Variants in LRRC4C observed in about 807,000 individuals in gnomAD.
The protein encoded by LRRC4C is leucine-rich repeat-containing protein 4C.
In LRRC4C, 5 loss-of-function variants were observed where a neutral mutation model predicts 33.6. The observed-to-expected ratio is 0.15, with a 90% CI of 0.08 to 0.31. The LOEUF (loss-of-function observed/expected upper bound fraction) is 0.31, where lower values mean the gene tolerates loss of function less well. Among genes scored for constraint, LRRC4C ranks in the 10% least tolerant of loss-of-function variants. The pLI is 1.00. For missense variants in LRRC4C, 560 were observed against 796.7 expected, an observed-to-expected ratio of 0.70 and a Z score of 3.58; for synonymous variants, 329 against 302.0, an observed-to-expected ratio of 1.09 and a Z score of -0.93.
chr11:40,560,474 T>C (rs538625476), intron 3 of LRRC4C, among the ~76,000 whole-genome samples: 1 of 148,970 alleles, frequency 6.7e-6, no homozygotes, highest in South Asian at 2.1e-4. Context: ...GTGTGTTATC[T>C]GTATTCTAAG....
At chr11:41,100,016 A>G (rs1428172373) in intron 1 of LRRC4C, among the ~76,000 whole-genome samples, 1 of 152,164 alleles carries the variant, frequency 6.6e-6, no homozygotes, top group Non-Finnish European at 1.5e-5. Context: ...CCCAAAAAAA[A>G]GTACAAAAAT....
intron 5 of LRRC4C, among the ~76,000 whole-genome samples, chr11:40,142,155 G>A (rs377488940): frequency 3.3e-5 from 5 of 151,622 alleles, no homozygotes; most frequent in African/African-American, 4.8e-5. Flanking sequence ...GGTGGTGCAC[G>A]CCTGTAGTCC....
At chr11:40,487,703 A>T (rs1953936565) in intron 3 of LRRC4C, among the ~76,000 whole-genome samples, 1 of 152,144 alleles carries the variant, frequency 6.6e-6, no homozygotes, top group African/African-American at 2.4e-5. Context: ...AAAGGAATTT[A>T]TATAAATGGT....
At chr11:40,665,336 A>ATATATG (rs1565615050) in intron 2 of LRRC4C, among the ~76,000 whole-genome samples, 4 of 14,672 alleles carry the variant, frequency 2.7e-4, no homozygotes, top group African/African-American at 6.7e-4. Context: ...ATATATATAT[A>ATATATG]TATATATATA....
chr11:40,665,593 C>G (rs1943762563), intron 2 of LRRC4C, among the ~76,000 whole-genome samples: 1 of 151,390 alleles, frequency 6.6e-6, no homozygotes, highest in Admixed American at 6.6e-5. Flanking sequence ...CAGAGAAGGA[C>G]AGTTTGAGAA....
At chr11:40,731,505 C>CA (rs1339249257) in intron 2 of LRRC4C, among the ~76,000 whole-genome samples, 1 of 152,048 alleles carries the variant, frequency 6.6e-6, no homozygotes, top group Non-Finnish European at 1.5e-5. Flanking sequence ...AACCATGAGC[C>CA]AATTAAATTT....
chr11:40,552,636 C>T (rs1229222495), intron 3 of LRRC4C, among the ~76,000 whole-genome samples: 1 of 152,142 alleles, frequency 6.6e-6, no homozygotes, highest in Non-Finnish European at 1.5e-5. Flanking sequence ...GAAAGAGCAA[C>T]ATTTGTTTAT....
At chr11:41,397,498 T>C (rs939342710) in intron 1 of LRRC4C, among the ~76,000 whole-genome samples, 1 of 151,902 alleles carries the variant, frequency 6.6e-6, no homozygotes, top group African/African-American at 2.4e-5. Flanking sequence ...ACATATAACA[T>C]GCAAAATATG....
At chr11:41,448,143 G>GTTTTTTTTTTTTTTTTT (rs1955895236) in intron 1 of LRRC4C, among the ~76,000 whole-genome samples, 1 of 19,172 alleles carries the variant, frequency 5.2e-5, no homozygotes, top group Non-Finnish European at 8.7e-5. Context: ...TTTTTTTTTT[G>GTTTTTTTTTTTTTTTTT]GAGCTTTACT....
intron 3 of LRRC4C, among the ~76,000 whole-genome samples, chr11:40,559,775 A>C (rs1957475059): frequency 6.6e-6 from 1 of 152,092 alleles, no homozygotes; most frequent in Non-Finnish European, 1.5e-5. Context: ...GACTGGTACG[A>C]GTGGTATCTC....
intron 1 of LRRC4C, among the ~76,000 whole-genome samples, chr11:41,374,423 G>T (rs1952864659): frequency 6.6e-6 from 1 of 152,080 alleles, no homozygotes; most frequent in Admixed American, 6.6e-5. Context: ...CTCAGACAAT[G>T]AATCTAACCT....
chr11:41,061,620 A>C (rs569392626), intron 1 of LRRC4C, among the ~76,000 whole-genome samples: 1 of 152,190 alleles, frequency 6.6e-6, no homozygotes, highest in South Asian at 2.1e-4. Context: ...TAAATCAAGT[A>C]TCTAGTTCCC....
chr11:40,713,060 T>C (rs1170107497), intron 2 of LRRC4C, among the ~76,000 whole-genome samples: 1 of 151,456 alleles, frequency 6.6e-6, no homozygotes, highest in East Asian at 1.9e-4. Context: ...GGCTAATTTT[T>C]TTTTTTTTTT....
intron 1 of LRRC4C, among the ~76,000 whole-genome samples, chr11:41,298,605 C>CAA (rs1211949251): frequency 6.6e-6 from 1 of 152,050 alleles, no homozygotes; most frequent in East Asian, 1.9e-4. Context: ...CAAAATAAAA[C>CAA]AAACACAAGA....
chr11:40,203,719 C>A (rs1227295756), intron 5 of LRRC4C, among the ~76,000 whole-genome samples: 3 of 152,138 alleles, frequency 2.0e-5, no homozygotes, highest in Admixed American at 6.5e-5. Context: ...AACAGAATCT[C>A]ACTTGAAAAT....
intron 1 of LRRC4C, among the ~76,000 whole-genome samples, chr11:41,443,277 G>A (rs1955712374): frequency 6.6e-6 from 1 of 151,984 alleles, no homozygotes; most frequent in Non-Finnish European, 1.5e-5. Context: ...GCAGGTTAAG[G>A]CAAGAGGATC....
chr11:40,954,961 C>A (rs1271177004), intron 1 of LRRC4C, among the ~76,000 whole-genome samples: 1 of 151,828 alleles, frequency 6.6e-6, no homozygotes, highest in Non-Finnish European at 1.5e-5. Context: ...AAGGACCCAC[C>A]TCGTGCTTTT....
intron 3 of LRRC4C, among the ~76,000 whole-genome samples, chr11:40,492,117 C>T (rs1447074840): frequency 6.6e-6 from 1 of 152,108 alleles, no homozygotes; most frequent in African/African-American, 2.4e-5. Context: ...GGTTAGTAAG[C>T]AACTTGTTAC....
rs578229301 is a variant in LRRC4C at position 40,709,951 on chromosome 11, C to T, written c.-406-61673G>A. 7.9e-5 allele frequency among the ~76,000 whole-genome samples: 12 copies of T among 152,270 alleles called. No individual in the cohort carries two copies. In the East Asian group the frequency reaches 1.7e-3, roughly 22 times the overall value. ...ATTTCATTAATTTGATCTTCAGTCA[C>T]TGATACCCTTTCTTCCACTTGATCA... On this transcript the variant is annotated intron_variant, in intron 2 of 6. Coordinates refer to ENST00000528697, the MANE Select transcript of LRRC4C (RefSeq NM_001258419.2).
Sources: allele counts gnomAD v4.1 joint callset (sites outside exome capture counted in the v4.1 genomes callset), GRCh38; gene constraint gnomAD v4.1.1; transcripts MANE v1.5; gene names NCBI Gene and HGNC (gene_info 2026-07-23, HGNC 2026-07-21).